Variants in PPEF1 observed in about 807,000 individuals in gnomAD.
PPEF1 encodes serine/threonine-protein phosphatase with EF-hands 1.
A neutral mutation model predicts 53.3 loss-of-function variants in PPEF1; 12 were observed. That is an observed-to-expected ratio of 0.23 (90% CI 0.14 to 0.36). The LOEUF is 0.36. Among genes scored for constraint, PPEF1 ranks in the 10% least tolerant of loss-of-function variants. The pLI is 1.00. For synonymous variants in PPEF1, 165 were observed against 176.7 expected (o/e 0.93, Z 0.52); for missense variants, 334 against 490.4 (o/e 0.68, Z 3.01).
At chrX:18,760,271 G>T (rs1437022996) in intron 5 of PPEF1, among the ~76,000 whole-genome samples, 1 of 111,410 alleles carries the variant, frequency 9.0e-6, no homozygotes, top group Non-Finnish European at 1.9e-5. Context: ...ACAGGCATGA[G>T]CCACCGTGCC....
chrX:18,739,831 A>G (rs2045101514), intron 3 of PPEF1, among the ~76,000 whole-genome samples: 1 of 112,471 alleles, frequency 8.9e-6, no homozygotes, highest in Admixed American at 9.4e-5. Context: ...AGCCTCAGCA[A>G]TGGTGGATGC....
At chrX:18,796,355 A>C (rs2046433394) in intron 10 of PPEF1, among the ~76,000 whole-genome samples, 1 of 112,799 alleles carries the variant, frequency 8.9e-6, no homozygotes, top group Admixed American at 9.4e-5. Flanking sequence ...GAAAGAAATG[A>C]AATAAAATTA....
chrX:18,705,446 G>T (rs1327616467), upstream of PPEF1, among the ~76,000 whole-genome samples: 1 of 112,439 alleles, frequency 8.9e-6, no homozygotes, highest in African/African-American at 3.2e-5. Context: ...AAGCACGGTG[G>T]CTGATGCCTG....
chrX:18,769,421 A>AT lies in PPEF1; in HGVS notation c.558+7850dup, dbSNP rs201423469. 6.0e-3 allele frequency among the ~76,000 whole-genome samples: 668 copies of AT among 112,041 alleles called. 7 individuals are homozygous for AT. The highest frequency in any genetic ancestry group is 0.021 in the African/African-American group (635 of 30,849). ...CTCAGCTTTAGTAAAATTACAAGAC[A>AT]TTTTTCCCTCATTGAATAGAAAGCT... On this transcript the variant is annotated intron_variant, in intron 6 of 15. Coordinates refer to ENST00000470157, the MANE Select transcript of PPEF1 (RefSeq NM_001377996.1).
chrX:18,763,691 A>G (rs2045711850), intron 6 of PPEF1, among the ~76,000 whole-genome samples: 1 of 111,862 alleles, frequency 8.9e-6, no homozygotes, highest in African/African-American at 3.2e-5. Context: ...AAGTATCCAA[A>G]AGCATTTTTA....
intron 11 of PPEF1, 39 bp from the exon 12 acceptor site, chrX:18,806,364 T>C: frequency 8.6e-7 from 1 of 1,169,206 alleles, no homozygotes. Context: ...TTTTGAGAAC[T>C]AATGTTACGT....
intron 6 of PPEF1, among the ~76,000 whole-genome samples, chrX:18,775,840 T>A (rs1256611698): frequency 8.9e-6 from 1 of 112,545 alleles, no homozygotes; most frequent in Non-Finnish European, 1.9e-5. Flanking sequence ...TCTCTGTGTT[T>A]CTAGGTACCC....
At chrX:18,820,043 A>C (rs1353280429) in intron 13 of PPEF1, among the ~76,000 whole-genome samples, 1 of 111,882 alleles carries the variant, frequency 8.9e-6, no homozygotes, top group Non-Finnish European at 1.9e-5. Context: ...AGACCATAGA[A>C]TCATATACAC....
intron 12 of PPEF1, among the ~76,000 whole-genome samples, chrX:18,816,679 T>G (rs183486166): frequency 8.7e-4 from 98 of 112,130 alleles, no homozygotes; most frequent in Middle Eastern, 9.2e-3. Flanking sequence ...CCTTCAGTTC[T>G]GTCCGTTTTT....
chrX:18,805,028 C>T (rs757693935), intron 11 of PPEF1, among the ~76,000 whole-genome samples: 1 of 108,443 alleles, frequency 9.2e-6, no homozygotes, highest in South Asian at 4.2e-4. Flanking sequence ...GCTGTGTTGT[C>T]CAGGCTGGAG....
chrX:18,786,222 T>C (rs2046195741), intron 9 of PPEF1, among the ~76,000 whole-genome samples: 1 of 111,552 alleles, frequency 9.0e-6, no homozygotes, highest in South Asian at 3.8e-4. Flanking sequence ...TATCGAGGGC[T>C]TTTTGAGATA....
intron 3 of PPEF1, among the ~76,000 whole-genome samples, chrX:18,745,423 C>T (rs2045311085): frequency 1.9e-5 from 2 of 107,120 alleles, no homozygotes; most frequent in Non-Finnish European, 3.8e-5. Context: ...GTTGCCCAGG[C>T]TTGTCTCGAA....
intron 1 of PPEF1, among the ~76,000 whole-genome samples, chrX:18,714,615 TG>T (rs1488732979): frequency 8.9e-6 from 1 of 112,295 alleles, no homozygotes; most frequent in Non-Finnish European, 1.9e-5. Context: ...AGTTGGGATT[TG>T]AATTCAAGGA....
chrX:18,740,596 A>G (rs1316094856), intron 3 of PPEF1, among the ~76,000 whole-genome samples: 1 of 110,019 alleles, frequency 9.1e-6, no homozygotes, highest in Admixed American at 9.8e-5. Context: ...TTTTTAGTAG[A>G]GACAGGGTTT....
intron 6 of PPEF1, among the ~76,000 whole-genome samples, chrX:18,767,486 A>C (rs1432234636): frequency 8.9e-6 from 1 of 112,238 alleles, no homozygotes; most frequent in Non-Finnish European, 1.9e-5. Context: ...CAGAGGTTGC[A>C]GTGAGCCGAG....
At chrX:18,746,697 C>T (rs950554878) in intron 3 of PPEF1, among the ~76,000 whole-genome samples, 1 of 111,303 alleles carries the variant, frequency 9.0e-6, no homozygotes, top group African/African-American at 3.3e-5. Flanking sequence ...CTTTATTGCT[C>T]ACAGAGTTGG....
chrX:18,681,268 C>T (rs1309749530), upstream of PPEF1, among the ~76,000 whole-genome samples: 4 of 111,720 alleles, frequency 3.6e-5, no homozygotes, highest in East Asian at 8.5e-4. Flanking sequence ...TGAGTCACTG[C>T]GCCTGGCCTG....
intron 10 of PPEF1, among the ~76,000 whole-genome samples, chrX:18,794,424 C>T (rs1000707465): frequency 2.7e-5 from 3 of 113,114 alleles, no homozygotes; most frequent in African/African-American, 9.6e-5. Flanking sequence ...TCTTGACCTG[C>T]CTCACCCCCT....
At chrX:18,709,942 A>G (rs2044289325) in intron 1 of PPEF1, among the ~76,000 whole-genome samples, 1 of 112,098 alleles carries the variant, frequency 8.9e-6, no homozygotes, top group African/African-American at 3.2e-5. Flanking sequence ...CTGTTTTCCC[A>G]AGTGACTGCA....
Sources: gnomAD v4.1 joint callset for allele counts (sites outside exome capture counted in the v4.1 genomes callset) on GRCh38, gnomAD v4.1.1 for gene constraint, MANE v1.5 for transcripts, NCBI Gene and HGNC (gene_info 2026-07-23, HGNC 2026-07-21) for gene names.